TYW1: variants seen among roughly 807,000 people sequenced by gnomAD.
The protein encoded by TYW1 is S-adenosyl-L-methionine-dependent tRNA 4-demethylwyosine synthase TYW1.
A neutral mutation model predicts 96.2 loss-of-function variants in TYW1; 46 were observed. The observed-to-expected ratio is 0.48, with a 90% confidence interval of 0.38 to 0.61. The LOEUF (loss-of-function observed/expected upper bound fraction) is 0.61, where lower values mean the gene tolerates loss of function less well. Among genes scored for constraint, TYW1 ranks in the 20% least tolerant of loss-of-function variants. The pLI, the probability that TYW1 is intolerant of heterozygous loss-of-function variation, is 0.00. For synonymous variants in TYW1, 274 were observed against 323.0 expected (o/e 0.85, Z 1.63); for missense variants, 684 against 909.6 (o/e 0.75, Z 3.19).
intron 12 of TYW1, among the ~76,000 whole-genome samples, chr7:67,114,056 G>A (rs1797513627): frequency 6.6e-6 from 1 of 152,238 alleles, no homozygotes; most frequent in South Asian, 2.1e-4. Context: ...TGAGGATTCA[G>A]TGAACTGATC....
Position 67,002,047 on chromosome 7 carries a change from AAAGG to A in TYW1, c.273+3096_273+3099del, listed in dbSNP as rs1461078683. Reference sequence around the variant, plus strand: ...AGAACCTGTCTCAAACAAAAAAAAAAAAGGAAAGAAGAAAAAAAGAGATAGGGTC... The same window carrying A: ...AGAACCTGTCTCAAACAAAAAAAAAAAAAGAAGAAAAAAAGAGATAGGGTC... On this transcript the variant is annotated intron_variant, in intron 3 of 15. Coordinates refer to ENST00000359626, the MANE Select transcript of TYW1 (RefSeq NM_018264.4). Among the ~76,000 whole-genome samples the A allele has an allele frequency of 1.2e-3, 182 of 150,990 alleles. 2 individuals are homozygous for A. Among genetic ancestry groups the A allele is most frequent in the African/African-American group, 4.1e-3 (170 of 41,222 alleles).
At chr7:67,112,541 G>A (rs1405095019) in intron 12 of TYW1, among the ~76,000 whole-genome samples, 13 of 151,906 alleles carry the variant, frequency 8.6e-5, no homozygotes, top group African/African-American at 2.9e-4. Flanking sequence ...GCTTGAACCC[G>A]GGAGGTGGAG....
At chr7:67,223,896 T>C (rs1274761618) in intron 15 of TYW1, among the ~76,000 whole-genome samples, 1 of 151,530 alleles carries the variant, frequency 6.6e-6, no homozygotes, top group African/African-American at 2.4e-5. Flanking sequence ...AGTTCCAAAA[T>C]AGTTACATCA....
intron 11 of TYW1, among the ~76,000 whole-genome samples, chr7:67,089,979 A>G (rs529550355): frequency 6.6e-6 from 1 of 152,348 alleles, no homozygotes; most frequent in South Asian, 2.1e-4. Flanking sequence ...TTCAGCAAAC[A>G]TCAAGTGATT....
Position 67,052,724 on chromosome 7 carries a change from A to AT in TYW1, c.1102+2663dup, listed in dbSNP as rs1472701251. ...ACCTTATTAGGTACTGGGTATTTTT[A>AT]TTTTTATTATTTATTTATTTATTTT... is the stretch of plus-strand genomic sequence containing the variant. On this transcript the variant is annotated intron_variant, in intron 8 of 15. Coordinates refer to ENST00000359626, the MANE Select transcript of TYW1 (RefSeq NM_018264.4). 2.6e-5 allele frequency among the ~76,000 whole-genome samples: 4 copies of AT among 151,750 alleles called. No homozygotes were observed. The East Asian group carries it at 7.7e-4, about 29-fold the overall frequency.
rs1458086358 is a variant in TYW1 at position 67,233,461 on chromosome 7, G to A, written c.1978-4847G>A. Among the ~76,000 whole-genome samples, 2 of 134,872 alleles carry A rather than the reference G, an allele frequency of 1.5e-5. 1 individual carries two copies. The highest frequency in any genetic ancestry group is 3.2e-5 in the Non-Finnish European group (2 of 62,752). 88.5% of individuals were successfully genotyped at this position (134,872 alleles called of 152,430 possible). On this transcript the variant is annotated intron_variant, in intron 15 of 15. Coordinates refer to ENST00000359626, the MANE Select transcript of TYW1 (RefSeq NM_018264.4). ...TGCATTGCCTCATCTAGCCAGCAAG[G>A]CCACAGACCCTTAGCAGCCTGGCTT...
intron 13 of TYW1, among the ~76,000 whole-genome samples, chr7:67,119,686 C>A (rs889515765): frequency 3.3e-5 from 5 of 152,036 alleles, no homozygotes; most frequent in African/African-American, 1.2e-4. Context: ...CACTGTTTTT[C>A]TTCTGTTTTG....
intron 15 of TYW1, among the ~76,000 whole-genome samples, chr7:67,196,940 G>C (rs1354121617): frequency 6.6e-6 from 1 of 152,080 alleles, no homozygotes. Flanking sequence ...AAAGCCACAG[G>C]GTTAATTGAA....
chr7:67,147,309 A>G (rs990297885), intron 13 of TYW1, among the ~76,000 whole-genome samples: 2 of 152,228 alleles, frequency 1.3e-5, no homozygotes, highest in African/African-American at 4.8e-5. Context: ...CAAATATGAC[A>G]TCATTTTATG....
chr7:67,002,482 A>G (rs1379210110), intron 3 of TYW1, among the ~76,000 whole-genome samples: 2 of 152,210 alleles, frequency 1.3e-5, no homozygotes, highest in African/African-American at 4.8e-5. Context: ...GCGTAGCTTC[A>G]TTGTCTTCCA....
intron 13 of TYW1, among the ~76,000 whole-genome samples, chr7:67,160,647 A>G (rs1393853551): frequency 1.3e-5 from 2 of 149,606 alleles, no homozygotes; most frequent in Admixed American, 6.7e-5. Context: ...GCTGGAGTGC[A>G]GTGATGCGAT....
intron 12 of TYW1, among the ~76,000 whole-genome samples, chr7:67,103,373 A>G (rs927026482): frequency 6.6e-6 from 1 of 152,250 alleles, no homozygotes; most frequent in Middle Eastern, 3.2e-3. Context: ...TCCCAATGAA[A>G]GATTTGAATT....
At chr7:67,180,386 T>TATATATATATATATATATATATA (rs1799797667) in intron 13 of TYW1, among the ~76,000 whole-genome samples, 1 of 111,588 alleles carries the variant, frequency 9.0e-6, no homozygotes, top group East Asian at 2.3e-4. Flanking sequence ...AGCTGTTGGT[T>TATATATATATATATATATATATA]TATATATATA....
chr7:66,996,896 A>G lies in TYW1; in HGVS notation c.-83A>G. On this transcript the variant is annotated 5_prime_UTR_variant, in exon 1 of 16. The change abolishes the stop of an existing upstream ORF in the 5' untranslated region. Coordinates refer to ENST00000359626, the MANE Select transcript of TYW1 (RefSeq NM_018264.4). ...CGGTACGCCGCTAACGCGGCGAGGT[A>G]GCTCGGTGCGTCTCGCGGTACCAGT... 6.2e-7 allele frequency: 1 copy of G among 1,606,716 alleles called. No individual in the cohort carries two copies. The highest frequency in any genetic ancestry group is 2.2e-5 in the East Asian group (1 of 44,664).
At chr7:67,111,235 GCT>G (rs1461492858) in intron 12 of TYW1, among the ~76,000 whole-genome samples, 1 of 150,978 alleles carries the variant, frequency 6.6e-6, no homozygotes, top group Non-Finnish European at 1.5e-5. Flanking sequence ...ACGGAATCTT[GCT>G]CTGTCACCCA....
chr7:67,048,131 T>C (rs1258520827), intron 7 of TYW1, among the ~76,000 whole-genome samples: 1 of 31,258 alleles, frequency 3.2e-5, no homozygotes, highest in Admixed American at 3.6e-4. Context: ...CACAGAGTGA[T>C]ATAGTGAATT....
At chr7:67,072,502 C>T (rs1334819665) in intron 10 of TYW1, among the ~76,000 whole-genome samples, 8 of 152,106 alleles carry the variant, frequency 5.3e-5, no homozygotes, top group Non-Finnish European at 2.9e-5. Flanking sequence ...CCTCCTTGGC[C>T]TCCCAAAGTG....
At chr7:67,128,473 G>A (rs186510556) in intron 13 of TYW1, among the ~76,000 whole-genome samples, 6 of 152,200 alleles carry the variant, frequency 3.9e-5, no homozygotes, top group South Asian at 2.1e-4. Context: ...GCATCTGGTC[G>A]GGTTATCCCA....
At chr7:67,094,654 GT>G (rs1563009704) in intron 11 of TYW1, among the ~76,000 whole-genome samples, 1,013 of 68,070 alleles carry the variant, frequency 0.015, 6 homozygotes, top group African/African-American at 0.031. Flanking sequence ...GAATTAGAGT[GT>G]GTGTGTGTGT....
Sources: allele counts gnomAD v4.1 joint callset (sites outside exome capture counted in the v4.1 genomes callset), GRCh38; gene constraint gnomAD v4.1.1; transcripts MANE v1.5; gene names NCBI Gene and HGNC (gene_info 2026-07-23, HGNC 2026-07-21).